The following FGF13 variants were observed in gnomAD, a reference collection of about 807,000 sequenced individuals.
FGF13 encodes fibroblast growth factor 13, also known as fibroblast growth factor homologous factor 2.
FGF13 carries 2 observed loss-of-function variants against 19.5 expected under a neutral mutation model. The ratio of observed to expected loss-of-function variants is 0.10; its 90% CI spans 0.04 to 0.32. FGF13 has a LOEUF of 0.32. FGF13 is among the 10% of genes least tolerant of loss of function. The probability of loss-of-function intolerance (pLI) is 1.00; values close to 1 mark genes in which losing one functional copy is unlikely to be tolerated. For missense variants in FGF13, 113 were observed against 192.7 expected (o/e 0.59, Z 2.45); for synonymous variants, 72 against 76.9 (o/e 0.94, Z 0.33).
At chrX:138,860,223 ACT>A in intron 2 of FGF13, among the ~76,000 whole-genome samples, 1 of 111,456 alleles carries the variant, frequency 9.0e-6, no homozygotes, top group East Asian at 2.8e-4. Context: ...TATCAAATGC[ACT>A]TATTCCCAGG....
chrX:138,977,533 T>C (rs1338042186), intron 1 of FGF13, among the ~76,000 whole-genome samples: 1 of 112,583 alleles, frequency 8.9e-6, no homozygotes, highest in African/African-American at 3.2e-5. Flanking sequence ...ACAATCACAT[T>C]CCATTCCTAA....
At chrX:139,135,571 TATC>T (rs1473778699) in intron 1 of FGF13, among the ~76,000 whole-genome samples, 2 of 112,017 alleles carry the variant, frequency 1.8e-5, no homozygotes, top group Non-Finnish European at 3.8e-5. Flanking sequence ...CTGGTCTTGG[TATC>T]AATGATCAGT....
chrX:138,640,475 C>T (rs1469133743), intron 3 of FGF13, among the ~76,000 whole-genome samples: 1 of 111,875 alleles, frequency 8.9e-6, no homozygotes, highest in African/African-American at 3.2e-5. Flanking sequence ...CCTGGCTTGC[C>T]CCTGGCACCG....
At chrX:138,943,643 G>A (rs762566191) in intron 1 of FGF13, among the ~76,000 whole-genome samples, 1 of 111,937 alleles carries the variant, frequency 8.9e-6, no homozygotes, top group Non-Finnish European at 1.9e-5. Context: ...TAGCTAAGTG[G>A]ATCTTCATCT....
At chrX:138,997,123 G>C (rs2092046801) in intron 1 of FGF13, among the ~76,000 whole-genome samples, 1 of 111,818 alleles carries the variant, frequency 8.9e-6, no homozygotes, top group Non-Finnish European at 1.9e-5. Flanking sequence ...CAAACAGAAA[G>C]GAATAGCATC....
At chrX:138,859,726 A>G (rs1003714466) in intron 2 of FGF13, among the ~76,000 whole-genome samples, 5 of 112,280 alleles carry the variant, frequency 4.5e-5, no homozygotes, top group African/African-American at 1.6e-4. Flanking sequence ...ACACACAACA[A>G]AATTCTAGTG....
chrX:138,720,192 A>T (rs2090138119), intron 1 of FGF13, among the ~76,000 whole-genome samples: 1 of 112,509 alleles, frequency 8.9e-6, no homozygotes, highest in Non-Finnish European at 1.9e-5. Flanking sequence ...TGACATAACG[A>T]AACCAAATTT....
chrX:139,043,035 CT>C (rs1388339849), intron 1 of FGF13, among the ~76,000 whole-genome samples: 4 of 111,143 alleles, frequency 3.6e-5, no homozygotes, highest in Non-Finnish European at 7.5e-5. Context: ...TGTATGTCAT[CT>C]GTTGAAGATG....
intron 3 of FGF13, among the ~76,000 whole-genome samples, chrX:138,651,192 A>G (rs2089368481): frequency 8.9e-6 from 1 of 111,905 alleles, no homozygotes; most frequent in South Asian, 3.7e-4. Flanking sequence ...CAGGGACTTC[A>G]CTAATTTTCT....
In FGF13 at chrX:138,627,340, T is replaced by C. The variant is rs955287502; in HGVS notation, c.*5510A>G. The C allele has an allele frequency of 8.9e-6, 1 of 111,741 alleles. No individual in the cohort carries two copies. The highest frequency in any genetic ancestry group is 3.3e-5 in the African/African-American group (1 of 30,728). The allele number at this position is 111,741 out of a possible 1,213,427, so 9.2% of individuals were successfully genotyped here. A position where few individuals can be genotyped will look rare whatever the true frequency, so the allele number is the denominator to read the frequency against. On this transcript the variant is annotated 3_prime_UTR_variant, in exon 5 of 5. Transcript: ENST00000315930. ...CTCTAATTGCTAACTTTACACAGCA[T>C]TAAAAACAAATTATTAAGAGCGTAC...
In FGF13 at chrX:139,185,242, A is replaced by G. The variant is rs757630205; in HGVS notation, c.-113+18174T>C. On this transcript the variant is annotated intron_variant, in intron 1 of 2. Transcript: ENST00000421460. ...TTATGGCAAATCATGAAATCCATAA[A>G]ATTCTACTAGCTAGAAGTTCATGTT... is the stretch of plus-strand genomic sequence containing the variant. 4.5e-5 allele frequency among the ~76,000 whole-genome samples: 5 copies of G among 112,317 alleles called. 1 individual carries two copies. In the South Asian group the frequency reaches 1.8e-3, roughly 41 times the overall value.
intron 3 of FGF13, among the ~76,000 whole-genome samples, chrX:138,674,937 G>A (rs781241733): frequency 6.3e-5 from 7 of 111,564 alleles, no homozygotes; most frequent in Non-Finnish European, 1.3e-4. Flanking sequence ...AATTGATAGT[G>A]GTGTTGGAGA....
chrX:138,710,104 C>T (rs1034418393), intron 1 of FGF13, among the ~76,000 whole-genome samples: 1 of 111,263 alleles, frequency 9.0e-6, no homozygotes, highest in Non-Finnish European at 1.9e-5. Flanking sequence ...TATCGCGCTA[C>T]TCCTACCACT....
At chrX:139,186,687 T>C (rs1271664188) in intron 1 of FGF13, among the ~76,000 whole-genome samples, 2 of 112,062 alleles carry the variant, frequency 1.8e-5, no homozygotes, top group African/African-American at 6.5e-5. Flanking sequence ...CTAGCCATAA[T>C]GCATGTCATA....
At chrX:138,956,016 G>T (rs1414126388) in intron 1 of FGF13, among the ~76,000 whole-genome samples, 3 of 111,787 alleles carry the variant, frequency 2.7e-5, no homozygotes, top group African/African-American at 9.8e-5. Context: ...CTGAGGCTCA[G>T]TTGGGTTTCT....
chrX:138,664,353 A>T (rs899771381), intron 3 of FGF13, among the ~76,000 whole-genome samples: 2 of 111,704 alleles, frequency 1.8e-5, no homozygotes, highest in African/African-American at 6.5e-5. Context: ...GAAAAGCTCA[A>T]AGTTACTTCA....
chrX:139,192,597 TG>T (rs2084340417), intron 1 of FGF13, among the ~76,000 whole-genome samples: 1 of 112,078 alleles, frequency 8.9e-6, no homozygotes, highest in African/African-American at 3.2e-5. Context: ...TAGAACCACT[TG>T]AGGAGCTTAA....
chrX:139,058,595 A>G (rs2092326792), intron 1 of FGF13, among the ~76,000 whole-genome samples: 1 of 111,974 alleles, frequency 8.9e-6, no homozygotes, highest in African/African-American at 3.2e-5. Context: ...TAACTCTATA[A>G]TATTAAAATA....
rs1279347566 is a variant in FGF13 at position 138,628,857 on chromosome X, A to G, written c.*3993T>C. 2.7e-5 allele frequency: 3 copies of G among 112,063 alleles called. No individual in the cohort carries two copies. The highest frequency in any genetic ancestry group is 5.6e-4 in the East Asian group (2 of 3,561). The allele number at this position is 112,063 out of a possible 1,213,427, so 9.2% of individuals were successfully genotyped here. On this transcript the variant is annotated 3_prime_UTR_variant, in exon 5 of 5. Transcript: ENST00000315930. ...TCCCTCTCAGTCCTTTAAGGATTCC[A>G]TGGCAATGAGCATGTCCTCTCTTTG... is the stretch of plus-strand genomic sequence containing the variant.
Sources: allele counts gnomAD v4.1 joint callset (sites outside exome capture counted in the v4.1 genomes callset), GRCh38; gene constraint gnomAD v4.1.1; transcripts MANE v1.5; gene names NCBI Gene and HGNC (gene_info 2026-07-23, HGNC 2026-07-21).